CCSER1: variants seen among roughly 807,000 people sequenced by gnomAD.
CCSER1 encodes coiled-coil serine rich protein 1, also known as serine-rich coiled-coil domain-containing protein 1.
In CCSER1, 41 loss-of-function variants were observed where a neutral mutation model predicts 82.0. The observed-to-expected ratio is 0.50, with a 90% CI of 0.39 to 0.65. The LOEUF is 0.65. Among genes scored for constraint, CCSER1 ranks in the 30% least tolerant of loss-of-function variants. The pLI, the probability that CCSER1 is intolerant of heterozygous loss-of-function variation, is 0.00. For synonymous variants in CCSER1, 414 were observed against 383.9 expected, an observed-to-expected ratio of 1.08 and a Z score of -0.92; for missense variants, 1,119 against 1,064.2, an observed-to-expected ratio of 1.05 and a Z score of -0.72.
At chr4:91,463,039 G>A (rs1201027476) in intron 10 of CCSER1, among the ~76,000 whole-genome samples, 3 of 152,192 alleles carry the variant, frequency 2.0e-5, no homozygotes, top group African/African-American at 7.2e-5. Flanking sequence ...CTGGAGATAT[G>A]AGAACGGACA....
chr4:90,411,965 T>G (rs1325293608), intron 4 of CCSER1, among the ~76,000 whole-genome samples: 6 of 152,000 alleles, frequency 3.9e-5, no homozygotes, highest in Middle Eastern at 3.4e-3. Context: ...ACAGGCATTC[T>G]TATACACCAA....
intron 6 of CCSER1, among the ~76,000 whole-genome samples, chr4:90,704,048 G>C (rs1738764794): frequency 6.6e-6 from 1 of 152,156 alleles, no homozygotes; most frequent in South Asian, 2.1e-4. Context: ...CTCATCAGTT[G>C]ATGCAGTTTC....
At chr4:90,174,254 A>G (rs923005633) in intron 1 of CCSER1, among the ~76,000 whole-genome samples, 2 of 151,994 alleles carry the variant, frequency 1.3e-5, no homozygotes, top group African/African-American at 4.8e-5. Flanking sequence ...GGAGTTTACA[A>G]CTAGTTTAAA....
At chr4:90,492,214 A>T (rs999275610) in intron 5 of CCSER1, among the ~76,000 whole-genome samples, 1 of 152,278 alleles carries the variant, frequency 6.6e-6, no homozygotes, top group South Asian at 2.1e-4. Flanking sequence ...TGGTCTGTTC[A>T]GGGATTCAAC....
intron 6 of CCSER1, among the ~76,000 whole-genome samples, chr4:90,706,703 A>G (rs1435674618): frequency 2.0e-5 from 3 of 152,222 alleles, no homozygotes; most frequent in Non-Finnish European, 4.4e-5. Flanking sequence ...AACATATGCT[A>G]TACAGCAAAA....
chr4:91,600,503 G>A lies in CCSER1; in HGVS notation c.*1446G>A, dbSNP rs1238651755. 8 of 152,184 alleles carry A rather than the reference G, an allele frequency of 5.3e-5. No homozygotes were observed. Among genetic ancestry groups the A allele is most frequent in the South Asian group, 2.1e-4 (1 of 4,822 alleles). The allele number at this position is 152,184 out of a possible 1,614,324, so 9.4% of individuals were successfully genotyped here. ...GCATTTTCTAACAGAATCTGTCAGCGTGCACAAGCAAGATGAACAAAGGGA... is the reference window on the plus strand; with the variant it reads ...GCATTTTCTAACAGAATCTGTCAGCATGCACAAGCAAGATGAACAAAGGGA... On this transcript the variant is annotated 3_prime_UTR_variant, in exon 11 of 11. Coordinates refer to ENST00000509176, the MANE Select transcript of CCSER1 (RefSeq NM_001145065.2).
intron 1 of CCSER1, among the ~76,000 whole-genome samples, chr4:90,145,246 A>G (rs1176182956): frequency 6.6e-6 from 1 of 152,170 alleles, no homozygotes; most frequent in African/African-American, 2.4e-5. Context: ...CAATTTAACA[A>G]ACAAAATACA....
chr4:90,689,532 G>A (rs1221069450), intron 6 of CCSER1, among the ~76,000 whole-genome samples: 1 of 152,096 alleles, frequency 6.6e-6, no homozygotes, highest in East Asian at 1.9e-4. Flanking sequence ...CATTCATGCA[G>A]CACTTGCTCT....
intron 8 of CCSER1, among the ~76,000 whole-genome samples, chr4:90,837,076 T>C (rs535738226): frequency 6.6e-6 from 1 of 152,168 alleles, no homozygotes; most frequent in Non-Finnish European, 1.5e-5. Flanking sequence ...ATTGCTGTCA[T>C]ATTAAGAAGC....
chr4:90,768,194 C>CAT (rs1014020744), intron 7 of CCSER1, among the ~76,000 whole-genome samples: 1 of 152,202 alleles, frequency 6.6e-6, no homozygotes, highest in African/African-American at 2.4e-5. Flanking sequence ...AGTACTGTGT[C>CAT]ATAAGGTCAC....
In CCSER1 at chr4:90,274,996, G is replaced by C. The variant is rs534484689; in HGVS notation, c.-41-33248G>C. Among the ~76,000 whole-genome samples the C allele has an allele frequency of 7.2e-5, 11 of 152,208 alleles. No homozygotes were observed. The South Asian group carries it at 1.9e-3, about 26-fold the overall frequency. The stretch of plus-strand genomic sequence containing the variant: ...TAAAAGCACTAAAAATGGGAAATTG[G>C]TAATCACTTTCTATGAGCAAATGAA... On this transcript the variant is annotated intron_variant, in intron 1 of 10. Coordinates refer to ENST00000509176, the MANE Select transcript of CCSER1 (RefSeq NM_001145065.2).
intron 10 of CCSER1, among the ~76,000 whole-genome samples, chr4:91,135,374 G>C (rs374777786): frequency 1.3e-5 from 2 of 152,110 alleles, no homozygotes; most frequent in African/African-American, 4.8e-5. Context: ...AAAAAGACAT[G>C]ACCAAAAAAG....
chr4:90,691,575 A>G (rs565337540), intron 6 of CCSER1, among the ~76,000 whole-genome samples: 7 of 151,838 alleles, frequency 4.6e-5, no homozygotes, highest in African/African-American at 9.6e-5. Context: ...TATCACATGT[A>G]TAATGCATGT....
At chr4:90,646,157 T>TG in intron 6 of CCSER1, among the ~76,000 whole-genome samples, 1 of 152,256 alleles carries the variant, frequency 6.6e-6, no homozygotes, top group African/African-American at 2.4e-5. Flanking sequence ...GCGTTGATTT[T>TG]GGGGAAAAAA....
chr4:91,389,133 A>G (rs1751494058), intron 10 of CCSER1, among the ~76,000 whole-genome samples: 1 of 152,038 alleles, frequency 6.6e-6, no homozygotes, highest in African/African-American at 2.4e-5. Flanking sequence ...AAAATTCAAC[A>G]TTATACCTAA....
At chr4:90,147,898 C>T (rs1726117966) in intron 1 of CCSER1, among the ~76,000 whole-genome samples, 2 of 152,160 alleles carry the variant, frequency 1.3e-5, no homozygotes, top group African/African-American at 2.4e-5. Flanking sequence ...GGCATGGTGG[C>T]TGACTCCTGT....
intron 7 of CCSER1, among the ~76,000 whole-genome samples, chr4:90,798,667 T>C (rs1396055915): frequency 6.6e-6 from 1 of 152,228 alleles, no homozygotes; most frequent in East Asian, 1.9e-4. Context: ...AATTCTTTTA[T>C]CCTATTTGAT....
At chr4:91,172,894 C>T (rs562822167) in intron 10 of CCSER1, among the ~76,000 whole-genome samples, 74 of 152,144 alleles carry the variant, frequency 4.9e-4, no homozygotes, top group Non-Finnish European at 9.1e-4. Flanking sequence ...ATACTGATAT[C>T]TAAAAATATA....
chr4:90,870,838 G>T (rs1297281804), intron 8 of CCSER1, among the ~76,000 whole-genome samples: 1 of 124,320 alleles, frequency 8.0e-6, no homozygotes, highest in African/African-American at 3.1e-5. Context: ...TTTTTTTACC[G>T]GGAGACTATT....
Sources: gnomAD v4.1 joint callset for allele counts (sites outside exome capture counted in the v4.1 genomes callset) on GRCh38, gnomAD v4.1.1 for gene constraint, MANE v1.5 for transcripts, NCBI Gene and HGNC (gene_info 2026-07-23, HGNC 2026-07-21) for gene names.